SCFD2: variants seen among roughly 807,000 people sequenced by gnomAD.
The protein encoded by SCFD2 is sec1 family domain-containing protein 2.
In SCFD2, 54 loss-of-function variants were observed where a neutral mutation model predicts 58.9. That is an observed-to-expected ratio of 0.92 (90% CI 0.74 to 1.15). The LOEUF is 1.15. Ranked by LOEUF, SCFD2 falls within the 50% of genes most tolerant of loss-of-function variation. SCFD2 has a pLI of 0.00. For missense variants in SCFD2, 805 were observed against 836.6 expected (o/e 0.96, Z 0.47); for synonymous variants, 321 against 335.9 (o/e 0.96, Z 0.49).
intron 2 of SCFD2, among the ~76,000 whole-genome samples, chr4:53,318,940 G>A (rs1456980344): frequency 2.0e-5 from 3 of 152,112 alleles, no homozygotes; most frequent in Admixed American, 1.3e-4. Context: ...CCTCAGAGAG[G>A]CAACTGACTG....
intron 5 of SCFD2, among the ~76,000 whole-genome samples, chr4:53,092,254 C>T (rs61451961): frequency 0.04 from 6,032 of 152,070 alleles, 398 homozygotes; most frequent in African/African-American, 0.14. Flanking sequence ...TGATAAAACA[C>T]GTCATATGAC....
intron 5 of SCFD2, among the ~76,000 whole-genome samples, chr4:52,940,252 T>C (rs925399840): frequency 2.6e-5 from 4 of 152,144 alleles, no homozygotes; most frequent in African/African-American, 9.7e-5. Flanking sequence ...CCTGAGCCCC[T>C]TTAAAACCCA....
chr4:52,994,044 T>C (rs1171477004), intron 5 of SCFD2, among the ~76,000 whole-genome samples: 1 of 152,214 alleles, frequency 6.6e-6, no homozygotes, highest in East Asian at 1.9e-4. Context: ...CTGCTCCTGT[T>C]CAGGGGTAAC....
chr4:52,966,459 C>A (rs920053482), intron 5 of SCFD2, among the ~76,000 whole-genome samples: 10 of 152,136 alleles, frequency 6.6e-5, no homozygotes, highest in Non-Finnish European at 1.5e-5. Context: ...TCCCACATTA[C>A]CTTCCACATC....
chr4:53,344,180 G>C (rs1229322260), intron 2 of SCFD2, among the ~76,000 whole-genome samples: 1 of 151,924 alleles, frequency 6.6e-6, no homozygotes, highest in East Asian at 2.0e-4. Context: ...CAGATGACAT[G>C]ATTGTATATT....
chr4:52,958,758 C>T (rs1211619776), intron 5 of SCFD2, among the ~76,000 whole-genome samples: 1 of 152,140 alleles, frequency 6.6e-6, no homozygotes, highest in African/African-American at 2.4e-5. Flanking sequence ...CTCCTGTTCC[C>T]CAGAGATGCC....
intron 6 of SCFD2, among the ~76,000 whole-genome samples, chr4:52,919,942 T>C (rs993680894): frequency 6.6e-6 from 1 of 152,256 alleles, no homozygotes; most frequent in Non-Finnish European, 1.5e-5. Context: ...AAAGGTTTTA[T>C]GGAGAAATAA....
intron 6 of SCFD2, among the ~76,000 whole-genome samples, chr4:52,913,278 A>T (rs1489015140): frequency 6.6e-6 from 1 of 152,122 alleles, no homozygotes; most frequent in Non-Finnish European, 1.5e-5. Context: ...GTGAGCAGTG[A>T]GTGAATGAGT....
At chr4:53,132,657 T>C (rs9996126) in intron 5 of SCFD2, among the ~76,000 whole-genome samples, 67,592 of 151,962 alleles carry the variant, frequency 0.44, 15,359 homozygotes, top group South Asian at 0.53. Flanking sequence ...GCTGAGTGGG[T>C]GGATTTGACA....
At chr4:53,332,496 C>A (rs1733514974) in intron 2 of SCFD2, among the ~76,000 whole-genome samples, 1 of 152,086 alleles carries the variant, frequency 6.6e-6, no homozygotes. Flanking sequence ...AAGAAAAAAA[C>A]CACATGATTA....
chr4:53,347,381 G>A (rs968027152), intron 2 of SCFD2, among the ~76,000 whole-genome samples: 4 of 152,116 alleles, frequency 2.6e-5, no homozygotes, highest in African/African-American at 7.2e-5. Context: ...CAATGGGGAC[G>A]CAGCAGTGAA....
intron 3 of SCFD2, among the ~76,000 whole-genome samples, chr4:53,313,261 A>C (rs2149110768): frequency 6.6e-6 from 1 of 152,340 alleles, no homozygotes; most frequent in South Asian, 2.1e-4. Flanking sequence ...CGAAAGTAAT[A>C]AGAGAACTTT....
intron 4 of SCFD2, among the ~76,000 whole-genome samples, chr4:53,157,261 T>TA (rs1726718081): frequency 6.7e-6 from 1 of 149,758 alleles, no homozygotes; most frequent in Non-Finnish European, 1.5e-5. Context: ...AGGCATAGGC[T>TA]AAAGATCCAT....
intron 4 of SCFD2, among the ~76,000 whole-genome samples, chr4:53,238,201 C>T (rs1256835748): frequency 5.8e-5 from 8 of 138,690 alleles, no homozygotes; most frequent in African/African-American, 8.0e-5. Flanking sequence ...ACCTCCCTCC[C>T]GGACGGGGCG....
At chr4:53,082,369 G>T (rs1342232340) in intron 5 of SCFD2, among the ~76,000 whole-genome samples, 1 of 152,070 alleles carries the variant, frequency 6.6e-6, no homozygotes, top group African/African-American at 2.4e-5. Context: ...GTCCTTTTTA[G>T]ATGATGATGA....
intron 5 of SCFD2, among the ~76,000 whole-genome samples, chr4:52,952,276 C>T (rs2109531362): frequency 6.9e-6 from 1 of 145,556 alleles, no homozygotes; most frequent in South Asian, 2.3e-4. Flanking sequence ...TCCCCTCTCA[C>T]ACCCCCATCC....
At chr4:53,327,405 G>T (rs1366046535) in intron 2 of SCFD2, among the ~76,000 whole-genome samples, 2 of 152,176 alleles carry the variant, frequency 1.3e-5, no homozygotes, top group Admixed American at 1.3e-4. Flanking sequence ...GATGTCAAAG[G>T]CCAAGTGGAG....
chr4:53,263,038 T>G (rs1005016410), intron 4 of SCFD2, among the ~76,000 whole-genome samples: 1 of 152,094 alleles, frequency 6.6e-6, no homozygotes, highest in African/African-American at 2.4e-5. Context: ...CTTGTTCAAT[T>G]TTATTGCTGA....
At chr4:53,321,576 C>T (rs762921046) in intron 2 of SCFD2, among the ~76,000 whole-genome samples, 4 of 152,048 alleles carry the variant, frequency 2.6e-5, no homozygotes, top group Non-Finnish European at 4.4e-5. Flanking sequence ...ACAAAAAACC[C>T]AAACAATTTC....
Sources: gnomAD v4.1 joint callset for allele counts (sites outside exome capture counted in the v4.1 genomes callset) on GRCh38, gnomAD v4.1.1 for gene constraint, MANE v1.5 for transcripts, NCBI Gene and HGNC (gene_info 2026-07-23, HGNC 2026-07-21) for gene names.